Variants in DTD1 observed in about 807,000 individuals in gnomAD.
The protein encoded by DTD1 is D-tyrosyl-tRNA deacylase 1 homolog.
In DTD1, 13 loss-of-function variants were observed where a neutral mutation model predicts 25.6. That is an observed-to-expected ratio of 0.51 (90% confidence interval 0.33 to 0.81). The LOEUF is 0.81. DTD1 is among the 30% of genes least tolerant of loss of function. The pLI is 0.02. For missense variants in DTD1, 193 were observed against 266.4 expected (o/e 0.72, Z 1.92); for synonymous variants, 110 against 103.6 (o/e 1.06, Z -0.37).
At chr20:18,729,893 G>C (rs73899876) in intron 4 of DTD1, among the ~76,000 whole-genome samples, 3 of 151,854 alleles carry the variant, frequency 2.0e-5, no homozygotes, top group African/African-American at 7.3e-5. Flanking sequence ...TCTCTGAGTG[G>C]CTTCTATTGC....
rs925685003 is a variant in DTD1, at chr20:18,766,099, T to C, written c.*2759T>C. 5 of 152,228 alleles carry C rather than the reference T, an allele frequency of 3.3e-5. No individual in the cohort carries two copies. Among genetic ancestry groups the C allele is most frequent in the African/African-American group, 9.6e-5 (4 of 41,458 alleles). 9.4% of individuals were successfully genotyped at this position (152,228 alleles called of 1,614,324 possible). A position where few individuals can be genotyped will look rare whatever the true frequency, so the allele number is the denominator to read the frequency against. On this transcript the variant is annotated 3_prime_UTR_variant, in exon 6 of 6. Transcript: ENST00000377452. ...CATAGCAGCACCTCATGGTTAGTGG[T>C]CCCAGGGAGGGCATTTTCTCTACCA...
intron 4 of DTD1, among the ~76,000 whole-genome samples, chr20:18,696,336 A>C (rs370678519): frequency 3.3e-5 from 5 of 152,168 alleles, no homozygotes; most frequent in African/African-American, 1.2e-4. Context: ...GGGCCTTGCC[A>C]AGACCAGGAA....
Position 18,713,593 on chromosome 20 carries a change from G to A in DTD1, c.478-30507G>A, listed in dbSNP as rs148807022. On this transcript the variant is annotated intron_variant, in intron 4 of 5. Coordinates refer to ENST00000377452, the MANE Select transcript of DTD1 (RefSeq NM_080820.6). ...TGGAGGATCCTTAGCCTGGGTTCAC[G>A]TCCCCACCTTCATCTTCTGACCGTA... Among the ~76,000 whole-genome samples the A allele has an allele frequency of 5.5e-3, 833 of 152,238 alleles. 12 individuals carry two copies. The highest frequency in any genetic ancestry group is 0.019 in the African/African-American group (785 of 41,534).
At chr20:18,728,654 A>G (rs1292461434) in intron 4 of DTD1, among the ~76,000 whole-genome samples, 1 of 152,118 alleles carries the variant, frequency 6.6e-6, no homozygotes, top group East Asian at 1.9e-4. Context: ...ATGTGGCCCT[A>G]AGGTTGTCAG....
chr20:18,666,575 T>C (rs2060932172), intron 4 of DTD1, among the ~76,000 whole-genome samples: 1 of 152,222 alleles, frequency 6.6e-6, no homozygotes, highest in Admixed American at 6.5e-5. Flanking sequence ...ACGTCCTGTA[T>C]TTTGTTAAAT....
Position 18,596,084 on chromosome 20 carries a change from G to T in DTD1, c.213G>T (p.Gln71His), listed in dbSNP as rs760023541. 5.6e-6 allele frequency: 9 copies of T among 1,614,068 alleles called. No individual in the cohort carries two copies. The highest frequency in any genetic ancestry group is 5.3e-5 in the African/African-American group (4 of 74,930). Reference protein sequence around the residue: ...KHWSKSVMDKQYEILCVSQFT... With the variant: ...KHWSKSVMDKHYEILCVSQFT... ...GGTCGAAGAGTGTGATGGACAAACA[G>T]TACGAGATTCTGTGTGTCAGCCAGT... Residue 71 changes from glutamine (Q) to histidine (H), a missense_variant, in exon 3 of 6, where the codon CAG (glutamine) becomes CAT (histidine). Gln to His is a conservative substitution (Grantham distance 24). Coordinates refer to ENST00000377452, the MANE Select transcript of DTD1 (RefSeq NM_080820.6).
chr20:18,750,949 C>A lies in DTD1; in HGVS notation c.*19+6678C>A, dbSNP rs2122529962. Among the ~76,000 whole-genome samples the A allele has an allele frequency of 1.3e-5, 2 of 152,268 alleles. 1 individual carries two copies. Among genetic ancestry groups the A allele is most frequent in the South Asian group, 4.1e-4 (2 of 4,832 alleles). On this transcript the variant is annotated intron_variant, in intron 5 of 5. Coordinates refer to ENST00000377452, the MANE Select transcript of DTD1 (RefSeq NM_080820.6). ...CCTCAAATGGCAACACACTTGAAAC[C>A]AAACAAGAAAGTGTTTTGGAAGCTG...
chr20:18,660,264 G>T (rs2060904753), intron 4 of DTD1, among the ~76,000 whole-genome samples: 1 of 152,146 alleles, frequency 6.6e-6, no homozygotes, highest in Non-Finnish European at 1.5e-5. Context: ...CTGTTGCCCA[G>T]GCTGGAGTGT....
chr20:18,653,894 A>G (rs1054946389), intron 4 of DTD1, among the ~76,000 whole-genome samples: 1 of 152,240 alleles, frequency 6.6e-6, no homozygotes, highest in African/African-American at 2.4e-5. Flanking sequence ...CCTCACAGCC[A>G]TCATGAGAGG....
chr20:18,708,337 A>G (rs1445353364), intron 4 of DTD1, among the ~76,000 whole-genome samples: 2 of 62,206 alleles, frequency 3.2e-5, no homozygotes, highest in Non-Finnish European at 6.4e-5. Flanking sequence ...TATATATTTT[A>G]TATATATATT....
At chr20:18,621,193 C>T (rs746179747) in intron 3 of DTD1, among the ~76,000 whole-genome samples, 1 of 152,116 alleles carries the variant, frequency 6.6e-6, no homozygotes, top group Admixed American at 6.6e-5. Flanking sequence ...TTTTTCATGA[C>T]GTTGCCATTT....
At chr20:18,679,329 G>T (rs1479989678) in intron 4 of DTD1, among the ~76,000 whole-genome samples, 1 of 152,112 alleles carries the variant, frequency 6.6e-6, no homozygotes, top group Non-Finnish European at 1.5e-5. Context: ...CTCATAAAGC[G>T]CATGAACCTT....
At chr20:18,731,508 C>G (rs890492882) in intron 4 of DTD1, among the ~76,000 whole-genome samples, 3 of 152,176 alleles carry the variant, frequency 2.0e-5, no homozygotes, top group Admixed American at 2.0e-4. Flanking sequence ...TCTGCCTGTT[C>G]TCCGCCCTCA....
intron 4 of DTD1, among the ~76,000 whole-genome samples, chr20:18,650,570 A>T (rs1168520560): frequency 6.6e-6 from 1 of 152,156 alleles, no homozygotes; most frequent in East Asian, 1.9e-4. Context: ...CCTTTGTCAG[A>T]CTTATCTTTT....
intron 2 of DTD1, among the ~76,000 whole-genome samples, chr20:18,595,544 T>G (rs2060607498): frequency 6.6e-6 from 1 of 152,188 alleles, no homozygotes; most frequent in African/African-American, 2.4e-5. Flanking sequence ...TACTGGGATT[T>G]CAGGCATGAG....
intron 4 of DTD1, 64 bp downstream of exon 4, chr20:18,628,297 G>A: frequency 1.5e-6 from 2 of 1,302,898 alleles, no homozygotes; most frequent in Non-Finnish European, 2.2e-6. Context: ...TTTAGTCCCT[G>A]GAAGAGTCCT....
intron 4 of DTD1, among the ~76,000 whole-genome samples, chr20:18,686,267 C>T (rs555707032): frequency 3.3e-5 from 5 of 152,352 alleles, no homozygotes; most frequent in African/African-American, 1.2e-4. Flanking sequence ...TTATAAATGG[C>T]TGCAGAGTTT....
rs138341115 is a variant in DTD1 at position 18,694,008 on chromosome 20, C to T, written c.478-50092C>T. ...GTCTAGTGACTACTGTATTGCACAG[C>T]ACGGATGCAGGAAGTCTCCATCGCA... On this transcript the variant is annotated intron_variant, in intron 4 of 5. Transcript: ENST00000377452. Among the ~76,000 whole-genome samples the T allele has an allele frequency of 2.4e-3, 373 of 152,300 alleles. 7 individuals are homozygous for T. The highest frequency in any genetic ancestry group is 0.02 in the Admixed American group (305 of 15,304).
At chr20:18,723,921 G>T (rs1342977899) in intron 4 of DTD1, among the ~76,000 whole-genome samples, 2 of 152,156 alleles carry the variant, frequency 1.3e-5, no homozygotes, top group African/African-American at 4.8e-5. Flanking sequence ...GTCCTCAAGG[G>T]TTCAGACTCC....
Sources: gnomAD v4.1 joint callset for allele counts (sites outside exome capture counted in the v4.1 genomes callset) on GRCh38, gnomAD v4.1.1 for gene constraint, MANE v1.5 for transcripts, NCBI Gene and HGNC (gene_info 2026-07-23, HGNC 2026-07-21) for gene names.